Variants in JPH2 observed in about 807,000 individuals in gnomAD.
JPH2 encodes junctophilin 2.
In JPH2, 38 loss-of-function variants were observed where a neutral mutation model predicts 55.9. The observed-to-expected ratio is 0.68, with a 90% CI of 0.52 to 0.89. The LOEUF (loss-of-function observed/expected upper bound fraction) is 0.89. Ranked by LOEUF, JPH2 falls within the 40% of genes least tolerant of loss-of-function variation. JPH2 has a pLI of 0.00. For missense variants in JPH2, 964 were observed against 1,037.6 expected (o/e 0.93, Z 0.97); for synonymous variants, 480 against 472.4 (o/e 1.02, Z -0.21).
chr20:44,143,207 C>CGG (rs1569200742), intron 2 of JPH2, among the ~76,000 whole-genome samples: 1 of 152,020 alleles, frequency 6.6e-6, no homozygotes, highest in Non-Finnish European at 1.5e-5. Flanking sequence ...GAGATGAGGC[C>CGG]GGTGGGGTAA....
At chr20:44,166,888 C>G (rs1204734950) in intron 1 of JPH2, among the ~76,000 whole-genome samples, 1 of 152,216 alleles carries the variant, frequency 6.6e-6, no homozygotes, top group East Asian at 1.9e-4. Context: ...GGGCTTCCCA[C>G]TGTCCCAAAG....
chr20:44,182,094 A>G (rs188601201), intron 1 of JPH2, among the ~76,000 whole-genome samples: 1 of 152,308 alleles, frequency 6.6e-6, no homozygotes, highest in East Asian at 1.9e-4. Context: ...CATTTTATAG[A>G]CAAGGAAATT....
At chr20:44,158,534 T>C (rs2072581254) in intron 2 of JPH2, among the ~76,000 whole-genome samples, 1 of 152,220 alleles carries the variant, frequency 6.6e-6, no homozygotes, top group African/African-American at 2.4e-5. Context: ...AGTGAGTCCA[T>C]ATTTGTGAAC....
At chr20:44,140,692 G>A (rs1053805735) in intron 2 of JPH2, among the ~76,000 whole-genome samples, 5 of 151,296 alleles carry the variant, frequency 3.3e-5, no homozygotes. Context: ...TGGGGTGATC[G>A]CTGGGATTAT....
Position 44,159,778 on chromosome 20 carries a change from C to T in JPH2, c.1009G>A (p.Glu337Lys). Residue 337 changes from glutamate to lysine, a missense_variant, in exon 2 of 6, where the codon GAG becomes AAG. Physicochemically the swap from Glu to Lys is moderately conservative, Grantham distance 56 (BLOSUM62 1). Transcript: ENST00000372980. This position sits in a 1 kb window ranked among gnomAD's most constrained non-coding sequence, Gnocchi z 5.7. The part of the protein sequence containing the change: ...GCTTLPDGHR[E>K]EGKYRHNVLV... ...ACGTTGTGGCGGTACTTGCCCTCCT[C>T]GCGGTGGCCGTCGGGCAGCGTGGTG... The T allele has an allele frequency of 2.5e-6, 4 of 1,613,346 alleles. No homozygotes were observed. The highest frequency in any genetic ancestry group is 3.4e-6 in the Non-Finnish European group (4 of 1,179,900).
intron 1 of JPH2, among the ~76,000 whole-genome samples, chr20:44,181,175 C>A (rs1185639936): frequency 6.6e-6 from 1 of 152,022 alleles, no homozygotes; most frequent in African/African-American, 2.4e-5. Flanking sequence ...GCCTAGAGGA[C>A]AGGGAGGGGT....
At chr20:44,155,390 G>A (rs914905379) in intron 2 of JPH2, among the ~76,000 whole-genome samples, 1 of 152,112 alleles carries the variant, frequency 6.6e-6, no homozygotes, top group Non-Finnish European at 1.5e-5. Flanking sequence ...AGGACAGTCC[G>A]AGCTTACACT....
At chr20:44,172,008 G>C (rs966739605) in intron 1 of JPH2, among the ~76,000 whole-genome samples, 5 of 152,166 alleles carry the variant, frequency 3.3e-5, no homozygotes, top group Non-Finnish European at 7.3e-5. Flanking sequence ...CTTTGAATAA[G>C]GTCTCTTTGA....
chr20:44,120,051 GACC>G (rs2072224338), intron 2 of JPH2, among the ~76,000 whole-genome samples: 1 of 151,976 alleles, frequency 6.6e-6, no homozygotes, highest in African/African-American at 2.4e-5. Flanking sequence ...CTCCAGCTGA[GACC>G]ACATCTCAGC....
intron 3 of JPH2, among the ~76,000 whole-genome samples, chr20:44,117,987 A>G (rs2072206585): frequency 6.6e-6 from 1 of 152,220 alleles, no homozygotes; most frequent in South Asian, 2.1e-4. Flanking sequence ...CCTCACTCAA[A>G]GTCTCACAGC....
At chr20:44,157,117 C>A (rs1334316637) in intron 2 of JPH2, among the ~76,000 whole-genome samples, 1 of 152,070 alleles carries the variant, frequency 6.6e-6, no homozygotes, top group Admixed American at 6.5e-5. Flanking sequence ...TTTTTCAAGC[C>A]ATGTCTGGTG....
At position 44,112,647 on chromosome 20, in the gene JPH2, A is replaced by C. The variant is rs2072154486; in HGVS notation, c.*871T>G. On this transcript the variant is annotated 3_prime_UTR_variant, in exon 6 of 6. Coordinates refer to ENST00000372980, the MANE Select transcript of JPH2 (RefSeq NM_020433.5). ...GACAAGCCATTTCACAGGGCATCAC[A>C]GGAGATTTCTCGCCGGCCCCAGGCC... 6.6e-6 allele frequency: 1 copy of C among 152,282 alleles called. No individual in the cohort carries two copies. Among genetic ancestry groups the C allele is most frequent in the Non-Finnish European group, 1.5e-5 (1 of 68,154 alleles). 9.4% of individuals were successfully genotyped at this position (152,282 alleles called of 1,614,324 possible). A position where few individuals can be genotyped will look rare whatever the true frequency, so the allele number is the denominator to read the frequency against.
At chr20:44,137,356 G>A (rs927717531) in intron 2 of JPH2, among the ~76,000 whole-genome samples, 2 of 151,890 alleles carry the variant, frequency 1.3e-5, no homozygotes, top group Non-Finnish European at 1.5e-5. Context: ...TCTGTGAGCC[G>A]GAGGAATGTG....
intron 2 of JPH2, among the ~76,000 whole-genome samples, chr20:44,143,207 C>CG (rs1569200742): frequency 6.6e-6 from 1 of 152,020 alleles, no homozygotes; most frequent in South Asian, 2.1e-4. Flanking sequence ...GAGATGAGGC[C>CG]GGTGGGGTAA....
chr20:44,162,811 C>T (rs2867798), intron 1 of JPH2, among the ~76,000 whole-genome samples: 43 of 129,978 alleles, frequency 3.3e-4, no homozygotes, highest in African/African-American at 1.1e-3. Flanking sequence ...CACACACACA[C>T]ACACACACAC....
At chr20:44,171,075 A>G (rs975530113) in intron 1 of JPH2, among the ~76,000 whole-genome samples, 25 of 152,072 alleles carry the variant, frequency 1.6e-4, no homozygotes, top group African/African-American at 6.0e-4. Flanking sequence ...GTTACTCCCC[A>G]TCTCAAAACC....
At chr20:44,129,566 AAAAC>A (rs143415603) in intron 2 of JPH2, among the ~76,000 whole-genome samples, 26,231 of 115,884 alleles carry the variant, frequency 0.23, 2,297 homozygotes, top group South Asian at 0.34. Context: ...AAAAAAAAAA[AAAAC>A]AAAAAAAACA....
At chr20:44,176,873 GC>G (rs2072738076) in intron 1 of JPH2, 1 of 985,122 alleles carries the variant, frequency 1.0e-6, no homozygotes, top group Non-Finnish European at 1.2e-6. Context: ...CATGGTACAT[GC>G]CATCCAGAGT....
chr20:44,161,317 G>A (rs138990922), intron 1 of JPH2, among the ~76,000 whole-genome samples: 190 of 152,276 alleles, frequency 1.2e-3, no homozygotes, highest in African/African-American at 4.5e-3. Context: ...GGCTAGTGGT[G>A]TGTACAAGGT....
Sources: gnomAD v4.1 joint callset for allele counts (sites outside exome capture counted in the v4.1 genomes callset) on GRCh38, gnomAD v4.1.1 for gene constraint, Gnocchi (gnomAD v3.1) non-coding constraint, MANE v1.5 for transcripts, NCBI Gene and HGNC (gene_info 2026-07-23, HGNC 2026-07-21) for gene names.